CEP83: variants seen among roughly 807,000 people sequenced by gnomAD.
The protein encoded by CEP83 is centrosomal protein 83, also known as centrosomal protein of 83 kDa.
In CEP83, 70 loss-of-function variants were observed where a neutral mutation model predicts 101.9. That is an observed-to-expected ratio of 0.69 (90% CI 0.57 to 0.84). The LOEUF (loss-of-function observed/expected upper bound fraction) is 0.84. Ranked by LOEUF, CEP83 falls within the 40% of genes least tolerant of loss-of-function variation. The pLI is 0.00. For synonymous variants in CEP83, 264 were observed against 267.9 expected, an observed-to-expected ratio of 0.99 and a Z score of 0.14; for missense variants, 715 against 787.2, an observed-to-expected ratio of 0.91 and a Z score of 1.10.
At chr12:94,449,481 G>A (rs1020205138) in intron 1 of CEP83, among the ~76,000 whole-genome samples, 1 of 151,966 alleles carries the variant, frequency 6.6e-6, no homozygotes, top group Non-Finnish European at 1.5e-5. Flanking sequence ...CACGGACTGG[G>A]CATGGTGGCT....
chr12:94,318,361 AAT>A (rs1279721090), intron 14 of CEP83, among the ~76,000 whole-genome samples: 3 of 152,140 alleles, frequency 2.0e-5, no homozygotes, highest in African/African-American at 7.2e-5. Context: ...TGCAAACATG[AAT>A]AGTTTCACTT....
chr12:94,423,868 G>C lies in CEP83; in HGVS notation c.-101-11277C>G, dbSNP rs565845586. On this transcript the variant is annotated intron_variant, in intron 2 of 16. Transcript: ENST00000397809. Reference sequence around the variant, plus strand: ...AGGAAGGCACAGGGGTGTACTGGGAGATGTAAGCTCCTTGCATAGCTGCAG... The same window carrying C: ...AGGAAGGCACAGGGGTGTACTGGGACATGTAAGCTCCTTGCATAGCTGCAG... 7 of 1,612,396 alleles carry C rather than the reference G, an allele frequency of 4.3e-6. No homozygotes were observed. The African/African-American group carries it at 8.0e-5, about 18-fold the overall frequency.
intron 6 of CEP83, among the ~76,000 whole-genome samples, chr12:94,388,060 A>G (rs2062261374): frequency 6.6e-6 from 1 of 152,270 alleles, no homozygotes; most frequent in Admixed American, 6.5e-5. Flanking sequence ...CTACCATTCC[A>G]GCAATCCCAT....
chr12:94,344,186 A>C (rs2059828371), intron 11 of CEP83, among the ~76,000 whole-genome samples: 1 of 152,246 alleles, frequency 6.6e-6, no homozygotes, highest in Non-Finnish European at 1.5e-5. Context: ...AGACTTAGCA[A>C]ACTACTACAT....
intron 1 of CEP83, among the ~76,000 whole-genome samples, chr12:94,451,123 T>A (rs1490926144): frequency 6.6e-6 from 1 of 152,164 alleles, no homozygotes; most frequent in Non-Finnish European, 1.5e-5. Context: ...TTCACATTTT[T>A]AAAAAATGAA....
intron 2 of CEP83, among the ~76,000 whole-genome samples, chr12:94,422,162 G>A (rs1017913235): frequency 1.5e-4 from 23 of 152,090 alleles, no homozygotes; most frequent in Non-Finnish European, 8.8e-5. Flanking sequence ...ACCTCTTTTG[G>A]GAGGTTCTAA....
intron 15 of CEP83, among the ~76,000 whole-genome samples, chr12:94,310,645 T>C (rs1969709235): frequency 6.6e-6 from 1 of 152,162 alleles, no homozygotes; most frequent in Admixed American, 6.6e-5. Context: ...TTTCTATCCA[T>C]GTTTGCCCGA....
intron 14 of CEP83, among the ~76,000 whole-genome samples, chr12:94,323,238 A>C (rs1420034772): frequency 6.6e-6 from 1 of 152,038 alleles, no homozygotes; most frequent in Non-Finnish European, 1.5e-5. Context: ...CTGGAGTTGC[A>C]GTTGCTTTTG....
chr12:94,435,105 T>C (rs2065897788), intron 2 of CEP83, among the ~76,000 whole-genome samples, 170 bp downstream of exon 2: 1 of 152,230 alleles, frequency 6.6e-6, no homozygotes, highest in African/African-American at 2.4e-5. Context: ...TTTATCTGAA[T>C]GACACTGAAA....
intron 13 of CEP83, among the ~76,000 whole-genome samples, chr12:94,333,062 A>AAC (rs1555221603): frequency 8.6e-5 from 13 of 150,928 alleles, no homozygotes; most frequent in African/African-American, 2.2e-4. Context: ...AAAAAAAAAA[A>AAC]AAACAAATAA....
chr12:94,362,952 G>A (rs1565990042), intron 11 of CEP83, among the ~76,000 whole-genome samples: 1 of 152,214 alleles, frequency 6.6e-6, no homozygotes, highest in Non-Finnish European at 1.5e-5. Flanking sequence ...TATACTGCAT[G>A]TTCTCACTCA....
chr12:94,446,887 A>G (rs543943680), intron 1 of CEP83, among the ~76,000 whole-genome samples: 8 of 152,324 alleles, frequency 5.3e-5, no homozygotes, highest in Admixed American at 2.6e-4. Flanking sequence ...AAACAGCCCA[A>G]CAAATCCAAA....
At chr12:94,378,501 T>C (rs2061668483) in intron 7 of CEP83, among the ~76,000 whole-genome samples, 1 of 152,192 alleles carries the variant, frequency 6.6e-6, no homozygotes, top group South Asian at 2.1e-4. Context: ...CTCAAATACA[T>C]ATATTTTTAT....
chr12:94,452,416 T>C (rs1387585691), intron 1 of CEP83, among the ~76,000 whole-genome samples: 2 of 152,152 alleles, frequency 1.3e-5, no homozygotes, highest in African/African-American at 2.4e-5. Context: ...GGAAAATTTG[T>C]TGATAGTTGT....
intron 14 of CEP83, among the ~76,000 whole-genome samples, chr12:94,317,399 C>A (rs1366547446): frequency 6.6e-6 from 1 of 152,168 alleles, no homozygotes; most frequent in Non-Finnish European, 1.5e-5. Context: ...TTTTGCTGTG[C>A]AGAAGCTCTT....
At chr12:94,292,165 C>G in the CEP83 span, among the ~76,000 whole-genome samples, 2 of 152,056 alleles carry the variant, frequency 1.3e-5, no homozygotes, top group Non-Finnish European at 2.9e-5. Context: ...TGTCACAGAC[C>G]TTATACTGAC....
In CEP83 at chr12:94,381,164, A is replaced by G. The variant is rs540721379; in HGVS notation, c.550-2122T>C. On this transcript the variant is annotated intron_variant, in intron 6 of 16. Coordinates refer to ENST00000397809, the MANE Select transcript of CEP83 (RefSeq NM_016122.3). ...GAGCTTATTACATTCAATCACTGCC[A>G]TAACACCACTTGTGTCCCAGACATT... Among the ~76,000 whole-genome samples, 6 of 152,326 alleles carry G rather than the reference A, an allele frequency of 3.9e-5. No homozygotes were observed. The South Asian group carries it at 1.0e-3, about 26-fold the overall frequency.
chr12:94,370,260 T>C (rs1050726572), intron 8 of CEP83, among the ~76,000 whole-genome samples: 2 of 152,242 alleles, frequency 1.3e-5, no homozygotes, highest in Non-Finnish European at 1.5e-5. Flanking sequence ...TTTACGAATA[T>C]CTGTGTATGG....
rs530161122 is a variant in CEP83, at chr12:94,333,375, T to C, written c.1577+107A>G. ...ACCATTGTACACTATTAAAGTGTAT[T>C]TGTAACTAGTTTCTAAAATATAATC... On this transcript the variant is annotated intron_variant, in intron 13 of 16. Coordinates refer to ENST00000397809, the MANE Select transcript of CEP83 (RefSeq NM_016122.3). The C allele has an allele frequency of 3.2e-6, 3 of 943,254 alleles. No individual in the cohort carries two copies. The East Asian group carries it at 7.9e-5, about 25-fold the overall frequency. 58.4% of individuals were successfully genotyped at this position (943,254 alleles called of 1,614,324 possible).
Sources: allele counts gnomAD v4.1 joint callset (sites outside exome capture counted in the v4.1 genomes callset), GRCh38; gene constraint gnomAD v4.1.1; transcripts MANE v1.5; gene names NCBI Gene and HGNC (gene_info 2026-07-23, HGNC 2026-07-21).